Variants in TMCO1 observed in about 807,000 individuals in gnomAD.
TMCO1 encodes calcium load-activated calcium channel.
In TMCO1, 29 loss-of-function variants were observed where a neutral mutation model predicts 29.3. The ratio of observed to expected loss-of-function variants is 0.99; its 90% confidence interval spans 0.74 to 1.35. The LOEUF (loss-of-function observed/expected upper bound fraction) is 1.35, where lower values mean the gene tolerates loss of function less well. Among genes scored for constraint, TMCO1 ranks in the 40% most tolerant of loss-of-function variants. TMCO1 has a pLI of 0.00. For missense variants in TMCO1, 173 were observed against 225.5 expected (o/e 0.77, Z 1.49); for synonymous variants, 80 against 77.1 (o/e 1.04, Z -0.20).
At chr1:165,755,514 A>G (rs1652162173) in intron 3 of TMCO1, among the ~76,000 whole-genome samples, 1 of 152,014 alleles carries the variant, frequency 6.6e-6, no homozygotes, top group Admixed American at 6.6e-5. Context: ...TCTACAAAAA[A>G]CTTAAAATTA....
chr1:165,759,682 G>T, intron 2 of TMCO1, 98 bp from the exon 3 acceptor site: 1 of 1,027,502 alleles, frequency 9.7e-7, no homozygotes, highest in Non-Finnish European at 1.5e-6. Flanking sequence ...AAGCTTGCAA[G>T]AAAGTTACAC....
chr1:165,725,490 A>G, downstream of TMCO1: 1 of 454,146 alleles, frequency 2.2e-6, no homozygotes, highest in South Asian at 1.6e-5. Context: ...TTAAAAGTTT[A>G]CTACTTTAGC....
At chr1:165,736,304 AT>A (rs1284491203) in intron 6 of TMCO1, among the ~76,000 whole-genome samples, 2 of 152,256 alleles carry the variant, frequency 1.3e-5, no homozygotes, top group Non-Finnish European at 2.9e-5. Flanking sequence ...CTATACAAAA[AT>A]ATCAACACTT....
intron 2 of TMCO1, among the ~76,000 whole-genome samples, chr1:165,763,185 T>G (rs1466151516): frequency 6.6e-6 from 1 of 152,218 alleles, no homozygotes; most frequent in African/African-American, 2.4e-5. Flanking sequence ...AAACTTCCCT[T>G]GCTTAAATTC....
chr1:165,760,432 CAA>C (rs11356353), intron 2 of TMCO1, among the ~76,000 whole-genome samples: 2,994 of 133,508 alleles, frequency 0.022, 82 homozygotes, highest in African/African-American at 0.062. Context: ...CTCTGTTTCT[CAA>C]AAAAAAAAAA....
At chr1:165,747,952 A>T (rs1651859861) in intron 5 of TMCO1, among the ~76,000 whole-genome samples, 1 of 152,232 alleles carries the variant, frequency 6.6e-6, no homozygotes, top group Non-Finnish European at 1.5e-5. Flanking sequence ...TGAGGTCAGG[A>T]ATTCAAGACC....
rs1407134428 is a variant in TMCO1 at position 165,740,182 on chromosome 1, C to T, written c.468+2985G>A. Among the ~76,000 whole-genome samples the T allele has an allele frequency of 5.0e-4, 16 of 32,320 alleles. No homozygotes were observed. In the East Asian group the frequency reaches 0.089, roughly 180 times the overall value. 21.2% of individuals were successfully genotyped at this position (32,320 alleles called of 152,430 possible). On this transcript the variant is annotated intron_variant, in intron 6 of 6. Transcript: ENST00000367881. ...GTTGCTTAAAGTGAAATATATACAT[C>T]GTGTGTTTTTATGTTTTACTTATTT...
chr1:165,739,317 A>G (rs1651500308), intron 6 of TMCO1, among the ~76,000 whole-genome samples: 1 of 148,282 alleles, frequency 6.7e-6, no homozygotes, highest in Non-Finnish European at 1.5e-5. Context: ...CTGATAAAAT[A>G]ACTGACACAC....
intron 2 of TMCO1, 93 bp from the exon 3 acceptor site, chr1:165,759,677 T>C: frequency 9.2e-7 from 1 of 1,091,974 alleles, no homozygotes; most frequent in Non-Finnish European, 1.4e-6. Context: ...GAAAGAAGCT[T>C]GCAAGAAAGT....
chr1:165,742,695 A>G (rs1001032196), intron 6 of TMCO1, among the ~76,000 whole-genome samples: 1 of 151,806 alleles, frequency 6.6e-6, no homozygotes, highest in Non-Finnish European at 1.5e-5. Context: ...CTTAGTTCTC[A>G]CTCTTTTTCA....
At chr1:165,753,472 CAA>C (rs35980344) in intron 4 of TMCO1, among the ~76,000 whole-genome samples, 9 of 47,762 alleles carry the variant, frequency 1.9e-4, no homozygotes, top group African/African-American at 7.6e-4. Context: ...GACTCTGTCT[CAA>C]AAAAAAAAAA....
chr1:165,728,326 G>A (rs1650987844), intron 6 of TMCO1, among the ~76,000 whole-genome samples: 1 of 150,412 alleles, frequency 6.6e-6, no homozygotes, highest in Admixed American at 6.6e-5. Flanking sequence ...GAGCAATCTT[G>A]GCTCACTGCA....
intron 2 of TMCO1, among the ~76,000 whole-genome samples, chr1:165,767,689 C>CT (rs1171417830): frequency 8.7e-5 from 13 of 149,494 alleles, no homozygotes; most frequent in East Asian, 2.0e-4. Flanking sequence ...GCCTCTTCTT[C>CT]TTTTTTTTTT....
Position 165,768,254 on chromosome 1 carries a change from A to T in TMCO1, c.86T>A (p.Leu29Gln). 6.2e-7 allele frequency: 1 copy of T among 1,614,074 alleles called. No individual in the cohort carries two copies. The highest frequency in any genetic ancestry group is 8.5e-7 in the Non-Finnish European group (1 of 1,179,984). The part of the protein sequence containing the change: ...ALLAEGITWV[L>Q]VYRTDKYKRL... ...CTTGTACTTGTCTGTCCTGTAAACC[A>T]GGACCCAGGTTATGCCTAAAACATT... Residue 29 changes from leucine to glutamine, a missense_variant, in exon 2 of 7, where the codon CTG becomes CAG. By Grantham distance (113) the Leu-to-Gln change is moderately radical. Transcript: ENST00000367881.
chr1:165,743,455 C>T (rs1651676970), intron 5 of TMCO1, 144 bp from the exon 6 acceptor site: 2 of 792,176 alleles, frequency 2.5e-6, no homozygotes, highest in Non-Finnish European at 4.1e-6. Context: ...TAAAAATACA[C>T]ATGAACCTGA....
At chr1:165,768,416 CT>C in intron 1 of TMCO1, 147 bp from the exon 2 acceptor site, 1 of 1,507,724 alleles carries the variant, frequency 6.6e-7, no homozygotes, top group Non-Finnish European at 9.0e-7. Context: ...ATACAACTGA[CT>C]CTTCAGCCAA....
At chr1:165,751,721 C>T (rs1276192788) in intron 5 of TMCO1, among the ~76,000 whole-genome samples, 1 of 150,938 alleles carries the variant, frequency 6.6e-6, no homozygotes, top group Non-Finnish European at 1.5e-5. Context: ...AAAAAAGACC[C>T]AAAAAACAAA....
At chr1:165,732,437 T>C (rs1651201953) in intron 6 of TMCO1, among the ~76,000 whole-genome samples, 1 of 151,002 alleles carries the variant, frequency 6.6e-6, no homozygotes, top group African/African-American at 2.4e-5. Flanking sequence ...GGCCTATTTT[T>C]TTAAAAAATC....
At chr1:165,755,914 C>T (rs181709021) in intron 3 of TMCO1, among the ~76,000 whole-genome samples, 6 of 152,184 alleles carry the variant, frequency 3.9e-5, no homozygotes, top group Admixed American at 3.9e-4. Flanking sequence ...AATTAGATTC[C>T]TCTCTCAGGA....
Sources: gnomAD v4.1 joint callset for allele counts (sites outside exome capture counted in the v4.1 genomes callset) on GRCh38, gnomAD v4.1.1 for gene constraint, MANE v1.5 for transcripts, NCBI Gene and HGNC (gene_info 2026-07-23, HGNC 2026-07-21) for gene names.